The following FBXL13 variants were observed in gnomAD, a reference collection of about 807,000 sequenced individuals.
FBXL13 encodes F-box and leucine rich repeat protein 13, also known as F-box and leucine-rich repeat protein 13.
FBXL13 carries 67 observed loss-of-function variants against 83.6 expected under a neutral mutation model. That is an observed-to-expected ratio of 0.80 (90% CI 0.66 to 0.98). The LOEUF is 0.98. Ranked by LOEUF, FBXL13 falls within the 50% of genes least tolerant of loss-of-function variation. The pLI is 0.00. For missense variants in FBXL13, 822 were observed against 866.5 expected (o/e 0.95, Z 0.64); for synonymous variants, 272 against 299.5 (o/e 0.91, Z 0.95).
intron 6 of FBXL13, among the ~76,000 whole-genome samples, chr7:103,000,117 C>T (rs972771988): frequency 2.6e-5 from 4 of 151,888 alleles, no homozygotes; most frequent in African/African-American, 9.7e-5. Context: ...ATTTTTTTAA[C>T]TTAAGATATT....
At position 102,956,955 on chromosome 7, in the gene FBXL13, C is replaced by G. The variant is rs569219468; in HGVS notation, c.724+6578G>C. 4.6e-5 allele frequency among the ~76,000 whole-genome samples: 7 copies of G among 152,268 alleles called. No individual in the cohort carries two copies. The East Asian group carries it at 1.4e-3, about 29-fold the overall frequency. ...AATCAATATCATGAAAATGGCCATA[C>G]TGCCCAGGGTAATTTATAGATTCAG... On this transcript the variant is annotated intron_variant, in intron 8 of 19. Transcript: ENST00000313221.
intron 10 of FBXL13, among the ~76,000 whole-genome samples, chr7:102,922,698 C>T (rs1032891172): frequency 1.3e-5 from 2 of 152,054 alleles, no homozygotes; most frequent in Non-Finnish European, 2.9e-5. Flanking sequence ...GATGACTGGG[C>T]GTGGTGGCTC....
Position 102,907,585 on chromosome 7 carries a change from C to T in FBXL13, c.1008+5501G>A, listed in dbSNP as rs562837039. Among the ~76,000 whole-genome samples, 6 of 152,048 alleles carry T rather than the reference C, an allele frequency of 3.9e-5. No individual in the cohort carries two copies. The South Asian group carries it at 1.2e-3, about 32-fold the overall frequency. ...AACATGCGATGTTTGGTTTTCTGTC[C>T]TTGCGATAGTTTGCTGAGAATGATG... is the stretch of plus-strand genomic sequence containing the variant. On this transcript the variant is annotated intron_variant, in intron 11 of 19. Transcript: ENST00000313221.
intron 18 of FBXL13, among the ~76,000 whole-genome samples, chr7:102,825,251 TG>T (rs1460398450): frequency 7.2e-5 from 11 of 152,004 alleles, no homozygotes; most frequent in South Asian, 2.1e-4. Context: ...TATTGAGAGG[TG>T]GGGCCCTTAA....
intron 1 of FBXL13, among the ~76,000 whole-genome samples, chr7:103,071,582 C>T (rs1332494973): frequency 4.3e-5 from 6 of 138,098 alleles, no homozygotes; most frequent in Non-Finnish European, 7.7e-5. Context: ...AATTTTTGTA[C>T]ACACAGGGTC....
At position 102,994,264 on chromosome 7, in the gene FBXL13, A is replaced by G. The variant is rs1381946517; in HGVS notation, c.496-26147T>C. 2.6e-5 allele frequency among the ~76,000 whole-genome samples: 4 copies of G among 152,088 alleles called. No homozygotes were observed. In the East Asian group the frequency reaches 7.7e-4, roughly 29 times the overall value. Reference sequence around the variant, plus strand: ...TTTTGAGGATATCTATAAAAATAATACTGGCTTTTTTTTCTGTCATATCAA... The same window carrying G: ...TTTTGAGGATATCTATAAAAATAATGCTGGCTTTTTTTTCTGTCATATCAA... On this transcript the variant is annotated intron_variant, in intron 6 of 19. Transcript: ENST00000313221.
intron 6 of FBXL13, among the ~76,000 whole-genome samples, chr7:102,994,446 G>C (rs1829890639): frequency 6.6e-6 from 1 of 151,320 alleles, no homozygotes; most frequent in South Asian, 2.1e-4. Context: ...AAGATATAGA[G>C]GCTATAAGCT....
intron 11 of FBXL13, among the ~76,000 whole-genome samples, chr7:102,893,281 CCTT>C (rs1348020975): frequency 6.6e-6 from 1 of 152,158 alleles, no homozygotes; most frequent in African/African-American, 2.4e-5. Context: ...CAATCTTGCT[CCTT>C]TTTTGGTTAT....
intron 8 of FBXL13, among the ~76,000 whole-genome samples, chr7:102,948,516 C>A (rs369726035): frequency 6.7e-6 from 1 of 149,172 alleles, no homozygotes; most frequent in Non-Finnish European, 1.5e-5. Flanking sequence ...TTCCACCTTC[C>A]GGGTTCAAGC....
chr7:103,033,408 C>T (rs1441794358), intron 2 of FBXL13, among the ~76,000 whole-genome samples: 1 of 152,198 alleles, frequency 6.6e-6, no homozygotes, highest in Non-Finnish European at 1.5e-5. Flanking sequence ...CTTGGTCTCA[C>T]TGACTTCAAG....
rs779578618 is a variant in FBXL13, at chr7:102,933,963, A to G, written c.725-2030T>C. On this transcript the variant is annotated intron_variant, in intron 8 of 19. Transcript: ENST00000313221. ...TTGCTCTGCTTTTGCAAAGCGGCTG[A>G]GCTGCGCAAAGCAAGCCCAGGCAGT... The G allele has an allele frequency of 3.1e-6, 5 of 1,613,824 alleles. No homozygotes were observed. The South Asian group carries it at 4.4e-5, about 14-fold the overall frequency.
intron 11 of FBXL13, among the ~76,000 whole-genome samples, chr7:102,908,037 C>T (rs1025391224): frequency 6.6e-6 from 1 of 152,096 alleles, no homozygotes; most frequent in African/African-American, 2.4e-5. Flanking sequence ...CTAGAAAAAC[C>T]ATTTGACCCA....
At chr7:102,977,023 G>A (rs1189681058) in intron 6 of FBXL13, among the ~76,000 whole-genome samples, 1 of 151,986 alleles carries the variant, frequency 6.6e-6, no homozygotes, top group East Asian at 1.9e-4. Flanking sequence ...CCTTTACATG[G>A]GAAAACCCCA....
chr7:103,050,442 T>C (rs1248948552), intron 2 of FBXL13, among the ~76,000 whole-genome samples: 3 of 152,188 alleles, frequency 2.0e-5, no homozygotes, highest in South Asian at 2.1e-4. Context: ...AAAACACATA[T>C]GATAAAACAT....
chr7:102,969,691 G>A (rs995000438), intron 6 of FBXL13, among the ~76,000 whole-genome samples: 1 of 151,376 alleles, frequency 6.6e-6, no homozygotes, highest in Admixed American at 6.6e-5. Context: ...CCAGCTACTC[G>A]GGAGGCTGAG....
intron 17 of FBXL13, among the ~76,000 whole-genome samples, chr7:102,853,240 G>A (rs1805527636): frequency 1.3e-5 from 2 of 152,106 alleles, no homozygotes; most frequent in Non-Finnish European, 2.9e-5. Flanking sequence ...ACACTGCTTA[G>A]GTGATGGGTG....
intron 11 of FBXL13, among the ~76,000 whole-genome samples, chr7:102,889,753 G>A (rs751233110): frequency 1.3e-5 from 2 of 152,090 alleles, no homozygotes; most frequent in African/African-American, 2.4e-5. Context: ...ATCCTTTGTT[G>A]TTTTTTATGA....
At chr7:102,981,927 A>G (rs1352873792) in intron 6 of FBXL13, among the ~76,000 whole-genome samples, 1 of 152,174 alleles carries the variant, frequency 6.6e-6, no homozygotes, top group African/African-American at 2.4e-5. Flanking sequence ...TATTTTGACT[A>G]TACAGGTCCA....
At chr7:102,939,604 C>T in intron 8 of FBXL13, 5 of 1,592,286 alleles carry the variant, frequency 3.1e-6, no homozygotes, top group Non-Finnish European at 4.3e-6. Flanking sequence ...CCCTGTATAG[C>T]CCCTTCAATG....
Sources: gnomAD v4.1 joint callset for allele counts (sites outside exome capture counted in the v4.1 genomes callset) on GRCh38, gnomAD v4.1.1 for gene constraint, MANE v1.5 for transcripts, NCBI Gene and HGNC (gene_info 2026-07-23, HGNC 2026-07-21) for gene names.